CNBD1: variants seen among roughly 807,000 people sequenced by gnomAD.
CNBD1 encodes cyclic nucleotide-binding domain-containing protein 1.
In CNBD1, 71 loss-of-function variants were observed where a neutral mutation model predicts 54.4. That is an observed-to-expected ratio of 1.30 (90% CI 1.08 to 1.59). CNBD1 has a LOEUF of 1.59. Among genes scored for constraint, CNBD1 ranks in the 40% most tolerant of loss-of-function variants. The pLI, the probability that CNBD1 is intolerant of heterozygous loss-of-function variation, is 0.00. For synonymous variants in CNBD1, 182 were observed against 170.7 expected (o/e 1.07, Z -0.51); for missense variants, 659 against 518.0 (o/e 1.27, Z -2.64).
chr8:87,059,384 A>G (rs1810495018), intron 4 of CNBD1, among the ~76,000 whole-genome samples: 1 of 152,202 alleles, frequency 6.6e-6, no homozygotes, highest in Non-Finnish European at 1.5e-5. Flanking sequence ...CAAGCTCCTT[A>G]TAGCAGCACC....
chr8:87,000,586 A>G (rs1808970816), intron 4 of CNBD1, among the ~76,000 whole-genome samples: 1 of 152,204 alleles, frequency 6.6e-6, no homozygotes, highest in Non-Finnish European at 1.5e-5. Context: ...TGAAGATAAC[A>G]CTAAAAAAAG....
chr8:87,388,486 A>T (rs942083854), intron 2 of CNBD1, among the ~76,000 whole-genome samples: 8 of 152,208 alleles, frequency 5.3e-5, no homozygotes, highest in African/African-American at 1.9e-4. Flanking sequence ...TACGCAAATA[A>T]ACTAGAAAAT....
At chr8:87,415,626 A>G (rs1219856566) in intron 2 of CNBD1, among the ~76,000 whole-genome samples, 1 of 151,986 alleles carries the variant, frequency 6.6e-6, no homozygotes, top group Non-Finnish European at 1.5e-5. Context: ...CTAACTACAC[A>G]CTGGTTAAGC....
intron 3 of CNBD1, among the ~76,000 whole-genome samples, chr8:86,911,930 A>G (rs1050005085): frequency 6.6e-6 from 1 of 152,186 alleles, no homozygotes; most frequent in Non-Finnish European, 1.5e-5. Flanking sequence ...CTCTACTAGG[A>G]AAACTATAAA....
rs184036727 is a variant in CNBD1 at position 87,144,990 on chromosome 8, A to G, written c.432-61003A>G. Among the ~76,000 whole-genome samples the G allele has an allele frequency of 1.9e-3, 287 of 152,304 alleles. 1 individual carries two copies. Among genetic ancestry groups the G allele is most frequent in the Middle Eastern group, 6.8e-3 (2 of 294 alleles). ...AAATATGTATGCTAAAAGGAACAGT[A>G]ACAAATATCTAACTGGAGTTCTAGA... On this transcript the variant is annotated intron_variant, in intron 4 of 10. Transcript: ENST00000518476.
intron 2 of CNBD1, among the ~76,000 whole-genome samples, chr8:87,388,721 A>G (rs992902928): frequency 3.3e-5 from 5 of 152,230 alleles, no homozygotes; most frequent in African/African-American, 1.2e-4. Flanking sequence ...AATCAATAGA[A>G]AAAGAGGGAA....
chr8:87,014,886 T>A, intron 4 of CNBD1, among the ~76,000 whole-genome samples: 1 of 152,068 alleles, frequency 6.6e-6, no homozygotes, highest in East Asian at 1.9e-4. Context: ...AAAATTATTT[T>A]ATACAAAAAA....
At chr8:86,914,989 G>T (rs879616785) in intron 3 of CNBD1, among the ~76,000 whole-genome samples, 3 of 152,204 alleles carry the variant, frequency 2.0e-5, no homozygotes, top group Admixed American at 6.5e-5. Context: ...CAGGGAAATT[G>T]CAGTAGAGAG....
chr8:87,348,507 T>G (rs1220371332), intron 8 of CNBD1, among the ~76,000 whole-genome samples: 9 of 152,216 alleles, frequency 5.9e-5, no homozygotes, highest in African/African-American at 2.2e-4. Flanking sequence ...TTGGTACTAT[T>G]ACTTTATACT....
chr8:87,070,498 A>T (rs1473553916), intron 4 of CNBD1, among the ~76,000 whole-genome samples: 2 of 152,154 alleles, frequency 1.3e-5, no homozygotes, highest in Non-Finnish European at 2.9e-5. Flanking sequence ...AATGCTGAGA[A>T]TGGCACACTT....
chr8:87,361,281 A>T (rs1810519777), intron 10 of CNBD1, among the ~76,000 whole-genome samples: 1 of 151,990 alleles, frequency 6.6e-6, no homozygotes, highest in African/African-American at 2.4e-5. Flanking sequence ...AGTTGAGTGA[A>T]ATGTTTTTTG....
chr8:87,389,240 G>A (rs1167023523), intron 2 of CNBD1, among the ~76,000 whole-genome samples: 2 of 152,158 alleles, frequency 1.3e-5, no homozygotes, highest in East Asian at 1.9e-4. Context: ...AGTGTTGGAA[G>A]TTCTGGCCAG....
At chr8:87,327,232 C>T (rs1197006334) in intron 8 of CNBD1, among the ~76,000 whole-genome samples, 13 of 146,802 alleles carry the variant, frequency 8.9e-5, no homozygotes, top group Middle Eastern at 3.4e-3. Flanking sequence ...ACATTTAAGT[C>T]TGCAGAGGTT....
At chr8:86,879,169 A>C in intron 1 of CNBD1, among the ~76,000 whole-genome samples, 1 of 152,106 alleles carries the variant, frequency 6.6e-6, no homozygotes, top group East Asian at 1.9e-4. Flanking sequence ...CTCACCTGAC[A>C]AATTAGAGTC....
intron 4 of CNBD1, among the ~76,000 whole-genome samples, chr8:87,019,315 A>G (rs1249947226): frequency 2.0e-5 from 3 of 152,232 alleles, no homozygotes; most frequent in Non-Finnish European, 2.9e-5. Flanking sequence ...TTAATTGGCT[A>G]TAAGTCTTTT....
intron 8 of CNBD1, among the ~76,000 whole-genome samples, chr8:87,325,632 C>T (rs1050110450): frequency 7.4e-6 from 1 of 135,400 alleles, no homozygotes; most frequent in Non-Finnish European, 1.6e-5. Context: ...CAACCCCTGC[C>T]TTTTTTTGTT....
In CNBD1 at chr8:86,958,783, A is replaced by G. The variant is rs573983524; in HGVS notation, c.431+19029A>G. Among the ~76,000 whole-genome samples, 220 of 152,092 alleles carry G rather than the reference A, an allele frequency of 1.4e-3. 1 individual carries two copies. Among genetic ancestry groups the G allele is most frequent in the African/African-American group, 5.1e-3 (213 of 41,488 alleles). On this transcript the variant is annotated intron_variant, in intron 4 of 10. Transcript: ENST00000518476. ...CTGATAGGTCTTGACTCTTTATCCA[A>G]TTTGTCAGTATGTGTCTTTTATTTG...
chr8:87,250,022 C>T (rs1807881790), intron 6 of CNBD1, among the ~76,000 whole-genome samples: 1 of 152,078 alleles, frequency 6.6e-6, no homozygotes, highest in African/African-American at 2.4e-5. Context: ...GAAACATCAA[C>T]AAAGTGGAGA....
chr8:87,047,272 A>G (rs1436998372), intron 4 of CNBD1, among the ~76,000 whole-genome samples: 1 of 152,176 alleles, frequency 6.6e-6, no homozygotes, highest in Non-Finnish European at 1.5e-5. Context: ...GGGTAGAATT[A>G]AAAGTGCTCC....
Sources: allele counts gnomAD v4.1 joint callset (sites outside exome capture counted in the v4.1 genomes callset), GRCh38; gene constraint gnomAD v4.1.1; transcripts MANE v1.5; gene names NCBI Gene and HGNC (gene_info 2026-07-23, HGNC 2026-07-21).